MAPK10: variants seen among roughly 807,000 people sequenced by gnomAD.
The protein encoded by MAPK10 is mitogen-activated protein kinase 10.
In MAPK10, 25 loss-of-function variants were observed where a neutral mutation model predicts 59.3. The observed-to-expected ratio is 0.42, with a 90% CI of 0.31 to 0.59. The LOEUF is 0.59. Among genes scored for constraint, MAPK10 ranks in the 20% least tolerant of loss-of-function variants. The probability of loss-of-function intolerance (pLI) is 0.15; values close to 1 mark genes in which losing one functional copy is unlikely to be tolerated. For synonymous variants in MAPK10, 190 were observed against 200.5 expected, an observed-to-expected ratio of 0.95 and a Z score of 0.44; for missense variants, 351 against 568.9, an observed-to-expected ratio of 0.62 and a Z score of 3.90.
At chr4:86,353,062 T>C (rs1051426008) in intron 2 of MAPK10, among the ~76,000 whole-genome samples, 1 of 152,142 alleles carries the variant, frequency 6.6e-6, no homozygotes, top group African/African-American at 2.4e-5. Flanking sequence ...CTGGCTATCC[T>C]TTCACTGTGC....
At chr4:86,207,603 T>C (rs2084459110) in intron 2 of MAPK10, among the ~76,000 whole-genome samples, 1 of 152,184 alleles carries the variant, frequency 6.6e-6, no homozygotes, top group African/African-American at 2.4e-5. Context: ...GGTAGCTTGA[T>C]GGGGATGGCA....
chr4:86,187,153 A>AC (rs35610513), intron 3 of MAPK10, among the ~76,000 whole-genome samples: 12,703 of 152,082 alleles, frequency 0.084, 1,176 homozygotes, highest in African/African-American at 0.23. Flanking sequence ...ACATTTTAAG[A>AC]CCCCCAGTGG....
intron 4 of MAPK10, among the ~76,000 whole-genome samples, chr4:86,142,402 CAT>C (rs1298978424): frequency 5.9e-5 from 9 of 152,196 alleles, no homozygotes; most frequent in Non-Finnish European, 1.2e-4. Flanking sequence ...CAGAGCTATC[CAT>C]TTACATTCTA....
chr4:86,519,230 T>G (rs1213108802), intron 1 of MAPK10, among the ~76,000 whole-genome samples: 5 of 152,232 alleles, frequency 3.3e-5, no homozygotes, highest in South Asian at 2.1e-4. Flanking sequence ...TCCTCCACTA[T>G]TATTGTGTTG....
intron 4 of MAPK10, among the ~76,000 whole-genome samples, chr4:86,149,153 T>C (rs1055751652): frequency 2.0e-5 from 3 of 152,208 alleles, no homozygotes; most frequent in African/African-American, 7.2e-5. Flanking sequence ...TTCTCTCATT[T>C]AGAATCTCAT....
At chr4:86,303,723 G>T (rs1442314917) in intron 2 of MAPK10, among the ~76,000 whole-genome samples, 2 of 152,132 alleles carry the variant, frequency 1.3e-5, no homozygotes, top group African/African-American at 2.4e-5. Flanking sequence ...TGAAAACATT[G>T]CTCTCATTCA....
intron 9 of MAPK10, among the ~76,000 whole-genome samples, chr4:86,093,948 TTTCATC>T (rs1355115634): frequency 6.6e-6 from 1 of 151,932 alleles, no homozygotes; most frequent in African/African-American, 2.4e-5. Context: ...TACTAAATTG[TTTCATC>T]CTAACTTTAT....
At chr4:86,372,594 A>G (rs560436468) in intron 1 of MAPK10, among the ~76,000 whole-genome samples, 10 of 151,766 alleles carry the variant, frequency 6.6e-5, no homozygotes, top group East Asian at 3.9e-4. Flanking sequence ...AAAAGAAAAG[A>G]AAAGGAAAGA....
chr4:86,480,933 G>T (rs1187716590), intron 1 of MAPK10, among the ~76,000 whole-genome samples: 2 of 152,156 alleles, frequency 1.3e-5, no homozygotes, highest in Non-Finnish European at 2.9e-5. Flanking sequence ...GACAAAAAGG[G>T]AATGATCTAA....
chr4:86,129,456 TA>T (rs1263282256), intron 4 of MAPK10, among the ~76,000 whole-genome samples: 2 of 152,182 alleles, frequency 1.3e-5, no homozygotes, highest in Non-Finnish European at 2.9e-5. Context: ...TTGTTTTAAA[TA>T]AACATGAAGA....
chr4:86,437,121 G>A (rs1748847756), intron 1 of MAPK10, among the ~76,000 whole-genome samples: 2 of 151,510 alleles, frequency 1.3e-5, no homozygotes, highest in South Asian at 4.2e-4. Context: ...GGCTGAGGCA[G>A]GAGAATGGCG....
intron 2 of MAPK10, among the ~76,000 whole-genome samples, chr4:86,218,679 C>T (rs1583048886): frequency 6.7e-6 from 1 of 149,786 alleles, no homozygotes. Flanking sequence ...CTCAAAATAA[C>T]TAGGCCAATA....
At chr4:86,137,207 A>T (rs184058677) in intron 4 of MAPK10, among the ~76,000 whole-genome samples, 1,882 of 151,932 alleles carry the variant, frequency 0.012, 20 homozygotes, top group Non-Finnish European at 0.019. Context: ...TACAGAACTC[A>T]CCACCCCTAA....
At chr4:86,018,387 C>T (rs1311139642) in intron 13 of MAPK10, among the ~76,000 whole-genome samples, 1 of 151,390 alleles carries the variant, frequency 6.6e-6, no homozygotes, top group Non-Finnish European at 1.5e-5. Flanking sequence ...AGCCTTAGCA[C>T]AGCTTTTGCT....
chr4:86,156,024 C>A (rs1380646235), intron 4 of MAPK10, among the ~76,000 whole-genome samples: 1 of 151,912 alleles, frequency 6.6e-6, no homozygotes, highest in Non-Finnish European at 1.5e-5. Flanking sequence ...TGAGACAGGG[C>A]AAGATTTCAG....
intron 3 of MAPK10, among the ~76,000 whole-genome samples, chr4:86,170,544 C>T (rs2073791186): frequency 1.3e-5 from 2 of 152,068 alleles, no homozygotes; most frequent in Admixed American, 1.3e-4. Flanking sequence ...TATATATGCA[C>T]CCAATACAGG....
chr4:86,461,664 G>C (rs1368192183), intron 1 of MAPK10, among the ~76,000 whole-genome samples: 1 of 152,200 alleles, frequency 6.6e-6, no homozygotes, highest in South Asian at 2.1e-4. Context: ...AGAAGTAACA[G>C]AGCAGATTTG....
chr4:86,299,614 T>G (rs1251805799), intron 2 of MAPK10, among the ~76,000 whole-genome samples: 1 of 152,200 alleles, frequency 6.6e-6, no homozygotes, highest in Non-Finnish European at 1.5e-5. Flanking sequence ...CTATGGTAGT[T>G]TTTTATAGAG....
At chr4:86,251,306 C>T (rs912308043) in intron 2 of MAPK10, among the ~76,000 whole-genome samples, 1 of 152,052 alleles carries the variant, frequency 6.6e-6, no homozygotes, top group Non-Finnish European at 1.5e-5. Context: ...GGTATATCTA[C>T]CAATGCTATC....
Sources: gnomAD v4.1 joint callset for allele counts (sites outside exome capture counted in the v4.1 genomes callset) on GRCh38, gnomAD v4.1.1 for gene constraint, MANE v1.5 for transcripts, NCBI Gene and HGNC (gene_info 2026-07-23, HGNC 2026-07-21) for gene names.